The following TESK2 variants were observed in gnomAD, a reference collection of about 807,000 sequenced individuals.
TESK2 encodes the protein dual specificity testis-specific protein kinase 2.
A neutral mutation model predicts 57.1 loss-of-function variants in TESK2; 39 were observed. That is an observed-to-expected ratio of 0.68 (90% CI 0.53 to 0.89). The LOEUF (loss-of-function observed/expected upper bound fraction) is 0.89, where lower values mean the gene tolerates loss of function less well. TESK2 is among the 40% of genes least tolerant of loss of function. TESK2 has a pLI of 0.00. For missense variants in TESK2, 646 were observed against 732.1 expected (o/e 0.88, Z 1.36); for synonymous variants, 249 against 267.9 (o/e 0.93, Z 0.69).
chr1:45,395,019 C>T (rs1649303325), intron 3 of TESK2, among the ~76,000 whole-genome samples: 1 of 152,086 alleles, frequency 6.6e-6, no homozygotes, highest in Non-Finnish European at 1.5e-5. Context: ...TCTGATACTA[C>T]TGGTAAACTA....
At chr1:45,449,791 C>A (rs371056000) in intron 2 of TESK2, among the ~76,000 whole-genome samples, 11 of 152,164 alleles carry the variant, frequency 7.2e-5, no homozygotes, top group Non-Finnish European at 1.5e-4. Flanking sequence ...TAACTCATCT[C>A]GAGTTTATTT....
intron 4 of TESK2, among the ~76,000 whole-genome samples, chr1:45,359,602 A>G (rs1227074208): frequency 3.5e-5 from 5 of 144,816 alleles, no homozygotes; most frequent in African/African-American, 7.7e-5. Flanking sequence ...GATGGCTCAC[A>G]CCTGTATTCC....
chr1:45,486,652 G>A (rs940001282), intron 1 of TESK2, among the ~76,000 whole-genome samples: 2 of 150,122 alleles, frequency 1.3e-5, no homozygotes, highest in East Asian at 4.0e-4. Flanking sequence ...TCCAGCCTGG[G>A]TGACAGAGCA....
At position 45,347,631 on chromosome 1, in the gene TESK2, C is replaced by G. The variant is rs762906650; in HGVS notation, c.686G>C (p.Arg229Pro). ...SPFWMAPEVL[R>P]DEPYNEKADV... ...TACCTTTTCATTATAGGGCTCATCT[C>G]GGAGAACCTCAGGTGCCATCCAGAA... is the stretch of plus-strand genomic sequence containing the variant. The change falls in exon 7 of 11, where the codon CGA becomes CCA. Residue 229 changes from arginine (R) to proline (P), a missense_variant. Physicochemically the swap from Arg to Pro is moderately radical, Grantham distance 103. Transcript: ENST00000372086. The G allele has an allele frequency of 1.4e-5, 22 of 1,613,986 alleles. No individual in the cohort carries two copies. The highest frequency in any genetic ancestry group is 1.8e-5 in the Non-Finnish European group (21 of 1,179,994).
chr1:45,446,050 GAA>G (rs757999385), intron 2 of TESK2, among the ~76,000 whole-genome samples: 5 of 151,886 alleles, frequency 3.3e-5, no homozygotes, highest in Non-Finnish European at 7.4e-5. Flanking sequence ...AGAAGAATAG[GAA>G]AAGTTTTCCA....
At chr1:45,488,322 C>T (rs1302240832) in intron 1 of TESK2, among the ~76,000 whole-genome samples, 7 of 152,122 alleles carry the variant, frequency 4.6e-5, no homozygotes, top group African/African-American at 1.7e-4. Flanking sequence ...CTTCAGTCTC[C>T]AAACTGACTT....
At chr1:45,368,409 C>A (rs1408725002) in intron 4 of TESK2, among the ~76,000 whole-genome samples, 1 of 149,662 alleles carries the variant, frequency 6.7e-6, no homozygotes, top group Non-Finnish European at 1.5e-5. Context: ...GAGTCCCGCT[C>A]CATTGCCCAG....
At chr1:45,399,471 C>T (rs1649511174) in intron 3 of TESK2, among the ~76,000 whole-genome samples, 3 of 152,152 alleles carry the variant, frequency 2.0e-5, no homozygotes, top group Admixed American at 2.0e-4. Context: ...TGCGCCACCA[C>T]ACCCAGCTAA....
At chr1:45,470,986 A>G (rs1652738924) in intron 1 of TESK2, among the ~76,000 whole-genome samples, 1 of 152,210 alleles carries the variant, frequency 6.6e-6, no homozygotes, top group Non-Finnish European at 1.5e-5. Flanking sequence ...TAATCCTAGC[A>G]CTTTGGGAAG....
chr1:45,388,087 T>C (rs1648975683), intron 3 of TESK2, among the ~76,000 whole-genome samples: 1 of 152,106 alleles, frequency 6.6e-6, no homozygotes. Context: ...TTCATACAAC[T>C]CCCCAATCAC....
chr1:45,440,577 A>T (rs908910745), intron 2 of TESK2, among the ~76,000 whole-genome samples: 1 of 151,902 alleles, frequency 6.6e-6, no homozygotes, highest in Admixed American at 6.6e-5. Context: ...TTAGCTGGGC[A>T]TGGTGGTGTG....
chr1:45,419,818 G>T lies in TESK2; in HGVS notation c.344+1907C>A, dbSNP rs74227014. Among the ~76,000 whole-genome samples the T allele has an allele frequency of 3.5e-3, 526 of 152,140 alleles. 7 individuals are homozygous for T. Among genetic ancestry groups the T allele is most frequent in the East Asian group, 0.031 (161 of 5,176 alleles). On this transcript the variant is annotated intron_variant, in intron 3 of 10. Transcript: ENST00000372086. ...TGAAACTCCGTCTCAAAAAAAAAGT[G>T]TTAATTTGACTTATAAATTTGAAAG...
chr1:45,476,759 A>C (rs990725067), intron 1 of TESK2, among the ~76,000 whole-genome samples: 4 of 151,982 alleles, frequency 2.6e-5, no homozygotes, highest in Non-Finnish European at 5.9e-5. Context: ...AGGCAGGAGA[A>C]TTGCTTGAAC....
Position 45,410,421 on chromosome 1 carries a change from T to C in TESK2, c.344+11304A>G, listed in dbSNP as rs67531806. Among the ~76,000 whole-genome samples the C allele has an allele frequency of 5.6e-4, 85 of 152,060 alleles. No homozygotes were observed. In the East Asian group the frequency reaches 0.013, roughly 24 times the overall value. On this transcript the variant is annotated intron_variant, in intron 3 of 10. Transcript: ENST00000372086. ...GAGTTCGAGGCCAGCCTGGCTAACATGGTGAAACCCTGTTTCTCCTAAAAA... is the reference window on the plus strand; with the variant it reads ...GAGTTCGAGGCCAGCCTGGCTAACACGGTGAAACCCTGTTTCTCCTAAAAA...
intron 4 of TESK2, among the ~76,000 whole-genome samples, chr1:45,367,191 C>T (rs570457913): frequency 6.6e-6 from 1 of 152,118 alleles, no homozygotes; most frequent in East Asian, 1.9e-4. Context: ...CCTACTCAGA[C>T]AAAGAAAGGC....
intron 1 of TESK2, among the ~76,000 whole-genome samples, chr1:45,467,391 C>A (rs540346955): frequency 1.2e-4 from 18 of 152,116 alleles, no homozygotes; most frequent in African/African-American, 4.1e-4. Flanking sequence ...GTCACCCAGA[C>A]TGGAGTACAG....
intron 3 of TESK2, among the ~76,000 whole-genome samples, chr1:45,415,681 C>A (rs186734252): frequency 6.6e-6 from 1 of 152,286 alleles, no homozygotes; most frequent in East Asian, 1.9e-4. Context: ...AAGTGATTTA[C>A]GTGTACTAAT....
chr1:45,404,361 G>A (rs1649747949), intron 3 of TESK2, among the ~76,000 whole-genome samples: 1 of 152,062 alleles, frequency 6.6e-6, no homozygotes, highest in East Asian at 1.9e-4. Flanking sequence ...CCATGCAAAG[G>A]GGATTAAGTG....
In TESK2 at chr1:45,389,488, C is replaced by T. The variant is rs140609701; in HGVS notation, c.345-3528G>A. 6.7e-3 allele frequency among the ~76,000 whole-genome samples: 1,024 copies of T among 152,272 alleles called. 7 individuals are homozygous for T. The highest frequency in any genetic ancestry group is 7.6e-3 in the Non-Finnish European group (514 of 68,016). ...TGCCATGTGATGCCCTGAGCCACTT[C>T]GGGACTCTGCAGAGAGTCCCCACCA... On this transcript the variant is annotated intron_variant, in intron 3 of 10. Coordinates refer to ENST00000372086, the MANE Select transcript of TESK2 (RefSeq NM_007170.3).
Sources: allele counts gnomAD v4.1 joint callset (sites outside exome capture counted in the v4.1 genomes callset), GRCh38; gene constraint gnomAD v4.1.1; transcripts MANE v1.5; gene names NCBI Gene and HGNC (gene_info 2026-07-23, HGNC 2026-07-21).